Variants in GRIN2A observed in about 807,000 individuals in gnomAD.
GRIN2A encodes the protein glutamate ionotropic receptor NMDA type subunit 2A.
GRIN2A carries 22 observed loss-of-function variants against 113.4 expected under a neutral mutation model. That is an observed-to-expected ratio of 0.19 (90% confidence interval 0.14 to 0.28). GRIN2A has a LOEUF of 0.28. GRIN2A is among the 10% of genes least tolerant of loss of function. The pLI is 1.00. For synonymous variants in GRIN2A, 827 were observed against 738.4 expected (o/e 1.12, Z -1.94); for missense variants, 1,502 against 1,887.0 (o/e 0.80, Z 3.78).
At chr16:10,153,089 T>C (rs1050211103) in intron 2 of GRIN2A, among the ~76,000 whole-genome samples, 5 of 152,256 alleles carry the variant, frequency 3.3e-5, no homozygotes, top group African/African-American at 1.2e-4. Flanking sequence ...CTATGGACTT[T>C]AGGCGATAAT....
chr16:9,768,565 A>T (rs981555282), intron 12 of GRIN2A, among the ~76,000 whole-genome samples: 1 of 152,116 alleles, frequency 6.6e-6, no homozygotes, highest in Non-Finnish European at 1.5e-5. Flanking sequence ...AGTATTCCCT[A>T]TCGTTCTCTC....
At chr16:9,831,180 A>C (rs1252767916) in intron 8 of GRIN2A, among the ~76,000 whole-genome samples, 2 of 152,212 alleles carry the variant, frequency 1.3e-5, no homozygotes, top group African/African-American at 4.8e-5. Flanking sequence ...GGAAGGGCTG[A>C]GGAGTTTGCA....
chr16:10,005,504 G>C (rs1308621822), intron 2 of GRIN2A, among the ~76,000 whole-genome samples: 3 of 152,260 alleles, frequency 2.0e-5, no homozygotes, highest in Non-Finnish European at 2.9e-5. Context: ...TGTACCATGA[G>C]TGAGTGAAGT....
At chr16:9,857,500 C>T (rs2042989614) in intron 4 of GRIN2A, among the ~76,000 whole-genome samples, 1 of 152,150 alleles carries the variant, frequency 6.6e-6, no homozygotes, top group Non-Finnish European at 1.5e-5. Context: ...TTTTTAAAAA[C>T]AGCAAATATG....
chr16:9,813,928 G>T (rs1447867231), intron 10 of GRIN2A, among the ~76,000 whole-genome samples: 1 of 152,144 alleles, frequency 6.6e-6, no homozygotes, highest in Non-Finnish European at 1.5e-5. Flanking sequence ...AGCTGGAAAT[G>T]AACCATTTGT....
intron 2 of GRIN2A, among the ~76,000 whole-genome samples, chr16:10,091,973 A>G (rs141717156): frequency 1.2e-4 from 18 of 152,316 alleles, no homozygotes; most frequent in African/African-American, 4.3e-4. Context: ...TACTTTAAAA[A>G]TCATTGGATT....
At chr16:9,826,523 AAAC>A (rs1391088994) in intron 9 of GRIN2A, among the ~76,000 whole-genome samples, 3 of 149,724 alleles carry the variant, frequency 2.0e-5, no homozygotes, top group Non-Finnish European at 4.4e-5. Flanking sequence ...CATGATAAAC[AAAC>A]AACAAAAAAA....
At chr16:9,927,526 T>C (rs2044491814) in intron 3 of GRIN2A, among the ~76,000 whole-genome samples, 1 of 152,172 alleles carries the variant, frequency 6.6e-6, no homozygotes, top group South Asian at 2.1e-4. Flanking sequence ...GCACCTGAAG[T>C]CCAAACTTCT....
intron 2 of GRIN2A, among the ~76,000 whole-genome samples, chr16:10,006,265 A>T (rs1185841902): frequency 1.3e-5 from 2 of 152,184 alleles, no homozygotes; most frequent in East Asian, 3.8e-4. Flanking sequence ...TTTTAAACCC[A>T]GTTTTTTTAC....
chr16:10,046,218 AG>A (rs1294829568), intron 2 of GRIN2A, among the ~76,000 whole-genome samples: 3 of 152,156 alleles, frequency 2.0e-5, no homozygotes, highest in African/African-American at 7.2e-5. Context: ...ACTCTTAAGA[AG>A]CTACAAAACT....
At chr16:9,805,921 C>G (rs1231958223) in intron 10 of GRIN2A, among the ~76,000 whole-genome samples, 1 of 152,176 alleles carries the variant, frequency 6.6e-6, no homozygotes, top group Non-Finnish European at 1.5e-5. Context: ...ACAGGGACTA[C>G]CTGCCATCAG....
chr16:9,911,088 G>A (rs578077098), intron 3 of GRIN2A, among the ~76,000 whole-genome samples: 1 of 152,084 alleles, frequency 6.6e-6, no homozygotes, highest in African/African-American at 2.4e-5. Flanking sequence ...CCAAAATAAT[G>A]TATTCCTACT....
chr16:9,915,861 AGATT>A (rs1327221586), intron 3 of GRIN2A, among the ~76,000 whole-genome samples: 1 of 152,224 alleles, frequency 6.6e-6, no homozygotes, highest in African/African-American at 2.4e-5. Context: ...TGTGAGAATT[AGATT>A]GATTAATAAA....
intron 2 of GRIN2A, among the ~76,000 whole-genome samples, chr16:10,098,955 T>C (rs181346730): frequency 2.2e-5 from 3 of 137,912 alleles, no homozygotes; most frequent in African/African-American, 5.7e-5. Flanking sequence ...AAAAAACCTA[T>C]GGAAATTTTA....
In GRIN2A at chr16:10,145,946, C is replaced by G. The variant is rs185953329; in HGVS notation, c.414+34052G>C. On this transcript the variant is annotated intron_variant, in intron 2 of 12. Coordinates refer to ENST00000330684, the MANE Select transcript of GRIN2A (RefSeq NM_001134407.3). ...ACAGGAAAGACTGAAATAAGAACAG[C>G]ATTCAGTTACTGGGACCCTGAGTCT... 3.6e-3 allele frequency among the ~76,000 whole-genome samples: 554 copies of G among 152,286 alleles called. 6 individuals carry two copies. Among genetic ancestry groups the G allele is most frequent in the Middle Eastern group, 0.02 (6 of 294 alleles).
At chr16:9,806,713 G>A (rs1388894478) in intron 10 of GRIN2A, among the ~76,000 whole-genome samples, 1 of 150,374 alleles carries the variant, frequency 6.7e-6, no homozygotes, top group Non-Finnish European at 1.5e-5. Context: ...TGTTAGTAAG[G>A]TACAGAGAGG....
intron 10 of GRIN2A, among the ~76,000 whole-genome samples, chr16:9,817,141 A>G (rs913627644): frequency 1.3e-5 from 2 of 152,234 alleles, no homozygotes; most frequent in Non-Finnish European, 2.9e-5. Context: ...TCCAAAGACA[A>G]GCATTTGGCT....
At chr16:9,982,679 T>A (rs2045913474) in intron 2 of GRIN2A, among the ~76,000 whole-genome samples, 1 of 152,218 alleles carries the variant, frequency 6.6e-6, no homozygotes, top group Non-Finnish European at 1.5e-5. Context: ...GCAATTAGTA[T>A]CTTCATTGAT....
chr16:9,841,321 T>C (rs1045526467), intron 5 of GRIN2A, among the ~76,000 whole-genome samples: 2 of 152,328 alleles, frequency 1.3e-5, no homozygotes, highest in Admixed American at 6.5e-5. Context: ...TATTGAGTAA[T>C]TACTATTTGC....
Sources: gnomAD v4.1 joint callset for allele counts (sites outside exome capture counted in the v4.1 genomes callset) on GRCh38, gnomAD v4.1.1 for gene constraint, MANE v1.5 for transcripts, NCBI Gene and HGNC (gene_info 2026-07-23, HGNC 2026-07-21) for gene names.